FMN1: variants seen among roughly 807,000 people sequenced by gnomAD.
The protein encoded by FMN1 is formin-1.
Under a neutral mutation model 132.4 loss-of-function variants are expected in FMN1, and 110 were observed. The ratio of observed to expected loss-of-function variants is 0.83; its 90% CI spans 0.71 to 0.97. The LOEUF (loss-of-function observed/expected upper bound fraction) is 0.97. FMN1 is among the 50% of genes least tolerant of loss of function. The pLI, the probability that FMN1 is intolerant of heterozygous loss-of-function variation, is 0.00. For missense variants in FMN1, 1,792 were observed against 1,705.3 expected, an observed-to-expected ratio of 1.05 and a Z score of -0.90; for synonymous variants, 722 against 651.7, an observed-to-expected ratio of 1.11 and a Z score of -1.64.
chr15:32,982,744 C>T (rs1025141746), intron 7 of FMN1, among the ~76,000 whole-genome samples: 3 of 152,086 alleles, frequency 2.0e-5, no homozygotes, highest in African/African-American at 7.2e-5. Context: ...CAGTGGCCTT[C>T]GAACTGGGAC....
chr15:33,034,182 T>C (rs750958883), intron 6 of FMN1, among the ~76,000 whole-genome samples: 3 of 152,204 alleles, frequency 2.0e-5, no homozygotes, highest in Non-Finnish European at 4.4e-5. Context: ...TCCTCATACA[T>C]GTCAAATTGA....
At chr15:33,082,800 C>G (rs904261103) in intron 5 of FMN1, among the ~76,000 whole-genome samples, 1 of 151,988 alleles carries the variant, frequency 6.6e-6, no homozygotes, top group Non-Finnish European at 1.5e-5. Flanking sequence ...ACATTTGGAT[C>G]TTGTTTCAAA....
At chr15:32,892,460 T>A (rs941041854) in intron 15 of FMN1, among the ~76,000 whole-genome samples, 3 of 152,218 alleles carry the variant, frequency 2.0e-5, no homozygotes, top group Non-Finnish European at 4.4e-5. Flanking sequence ...TGCAGTTAGC[T>A]AGTATTTTGT....
intron 4 of FMN1, among the ~76,000 whole-genome samples, chr15:33,131,087 T>TG (rs1337653772): frequency 1.3e-5 from 2 of 152,096 alleles, no homozygotes; most frequent in African/African-American, 2.4e-5. Flanking sequence ...CCCAGCACTT[T>TG]GGGGGGCCGA....
chr15:32,921,933 G>A (rs369024188), intron 10 of FMN1, among the ~76,000 whole-genome samples: 10 of 152,034 alleles, frequency 6.6e-5, no homozygotes, highest in African/African-American at 1.4e-4. Context: ...TTGGCCTCCC[G>A]AAGTCAGGGA....
intron 8 of FMN1, among the ~76,000 whole-genome samples, chr15:32,966,690 A>T (rs943818109): frequency 9.2e-5 from 14 of 152,240 alleles, no homozygotes; most frequent in Non-Finnish European, 1.6e-4. Context: ...GAGGCAGTGT[A>T]CACATAATGC....
At chr15:32,843,454 G>A (rs1303709559) in intron 17 of FMN1, among the ~76,000 whole-genome samples, 1 of 152,198 alleles carries the variant, frequency 6.6e-6, no homozygotes, top group Non-Finnish European at 1.5e-5. Flanking sequence ...CATATATTAT[G>A]TTAGCAATTA....
intron 10 of FMN1, among the ~76,000 whole-genome samples, chr15:32,916,098 T>G (rs1256314095): frequency 1.3e-5 from 2 of 152,124 alleles, no homozygotes; most frequent in African/African-American, 4.8e-5. Flanking sequence ...ATAATAACCG[T>G]CAGCAGGGAC....
At chr15:32,806,121 CAT>C (rs1463193993) in intron 17 of FMN1, among the ~76,000 whole-genome samples, 2 of 152,094 alleles carry the variant, frequency 1.3e-5, no homozygotes, top group Non-Finnish European at 2.9e-5. Flanking sequence ...TATTATGTAA[CAT>C]GTTATTATGT....
intron 17 of FMN1, among the ~76,000 whole-genome samples, chr15:32,823,608 T>C (rs1010688455): frequency 6.6e-6 from 1 of 152,250 alleles, no homozygotes; most frequent in African/African-American, 2.4e-5. Context: ...CTCACATACA[T>C]TCTATGACAG....
intron 9 of FMN1, among the ~76,000 whole-genome samples, chr15:32,941,129 C>T (rs548920817): frequency 5.3e-5 from 8 of 152,220 alleles, no homozygotes; most frequent in African/African-American, 1.9e-4. Context: ...TAATTATTTT[C>T]CATGTTTACG....
intron 4 of FMN1, among the ~76,000 whole-genome samples, chr15:33,132,801 T>G (rs1320149641): frequency 2.6e-5 from 4 of 152,162 alleles, no homozygotes; most frequent in African/African-American, 9.7e-5. Context: ...CTCTAGCTCC[T>G]CCCATGCACA....
intron 7 of FMN1, among the ~76,000 whole-genome samples, chr15:32,982,932 G>T (rs569449271): frequency 6.6e-6 from 1 of 151,776 alleles, no homozygotes; most frequent in African/African-American, 2.4e-5. Context: ...ACTTATCAGC[G>T]TCCATCATCA....
chr15:32,904,293 C>T (rs1483327403), intron 12 of FMN1, among the ~76,000 whole-genome samples: 2 of 151,874 alleles, frequency 1.3e-5, no homozygotes, highest in Non-Finnish European at 2.9e-5. Context: ...GCCGGGAGAG[C>T]CCAGATAGGC....
At chr15:32,910,395 A>T in intron 11 of FMN1, 79 bp downstream of exon 11, 1 of 1,201,130 alleles carries the variant, frequency 8.3e-7, no homozygotes, top group Non-Finnish European at 1.2e-6. Context: ...CTTACTACCA[A>T]AGAACATGAA....
chr15:32,935,616 C>G (rs1033880955), intron 9 of FMN1, among the ~76,000 whole-genome samples: 3 of 151,592 alleles, frequency 2.0e-5, no homozygotes, highest in African/African-American at 7.3e-5. Context: ...CCATACATCC[C>G]TTAGACTTTC....
chr15:32,884,397 T>C (rs2059845662), intron 16 of FMN1, among the ~76,000 whole-genome samples: 1 of 152,118 alleles, frequency 6.6e-6, no homozygotes, highest in Admixed American at 6.5e-5. Flanking sequence ...CATTCTTACG[T>C]CGTTATATCT....
intron 4 of FMN1, among the ~76,000 whole-genome samples, chr15:33,113,582 A>C (rs549712606): frequency 6.6e-6 from 1 of 152,206 alleles, no homozygotes; most frequent in East Asian, 1.9e-4. Context: ...CTCCTACAGA[A>C]AACACAAAAA....
chr15:33,043,069 C>T (rs901657206), intron 6 of FMN1, among the ~76,000 whole-genome samples: 1 of 152,136 alleles, frequency 6.6e-6, no homozygotes, highest in African/African-American at 2.4e-5. Context: ...TACAATGGTG[C>T]GAAAATGGTA....
Sources: allele counts gnomAD v4.1 joint callset (sites outside exome capture counted in the v4.1 genomes callset), GRCh38; gene constraint gnomAD v4.1.1; transcripts MANE v1.5; gene names NCBI Gene and HGNC (gene_info 2026-07-23, HGNC 2026-07-21).